FBXL7: variants seen among roughly 807,000 people sequenced by gnomAD.
FBXL7 encodes the protein F-box and leucine rich repeat protein 7.
Under a neutral mutation model 38.3 loss-of-function variants are expected in FBXL7, and 12 were observed. The observed-to-expected ratio is 0.31, with a 90% CI of 0.20 to 0.51. The LOEUF (loss-of-function observed/expected upper bound fraction) is 0.51. FBXL7 is among the 20% of genes least tolerant of loss of function. FBXL7 has a pLI of 0.98. For synonymous variants in FBXL7, 297 were observed against 300.9 expected, an observed-to-expected ratio of 0.99 and a Z score of 0.13; for missense variants, 567 against 676.4, an observed-to-expected ratio of 0.84 and a Z score of 1.79.
Position 15,515,844 on chromosome 5 carries a change from GTCATTTTATTACACTCA to G in FBXL7, c.37+15132_37+15148del, listed in dbSNP as rs761719359. ...TACTCATGATTATACTAGTTTATTA[GTCATTTTATTACACTCA>G]AATAACATTCCACTGAGATTATCAA... On this transcript the variant is annotated intron_variant, in intron 1 of 3. Transcript: ENST00000504595. Among the ~76,000 whole-genome samples the G allele has an allele frequency of 1.8e-4, 28 of 152,056 alleles. 1 individual carries two copies. The highest frequency in any genetic ancestry group is 3.4e-4 in the Non-Finnish European group (23 of 68,024).
At chr5:15,671,009 T>C (rs572233442) in intron 2 of FBXL7, among the ~76,000 whole-genome samples, 3 of 152,210 alleles carry the variant, frequency 2.0e-5, no homozygotes, top group African/African-American at 7.2e-5. Flanking sequence ...AATTATTCTC[T>C]GACTTCATTT....
At chr5:15,633,679 C>G (rs2126544416) in intron 2 of FBXL7, among the ~76,000 whole-genome samples, 1 of 151,422 alleles carries the variant, frequency 6.6e-6, no homozygotes, top group Non-Finnish European at 1.5e-5. Flanking sequence ...TAGGGATTCA[C>G]TGATCAGGCA....
chr5:15,892,622 A>G (rs573532468), intron 2 of FBXL7, among the ~76,000 whole-genome samples: 65 of 152,306 alleles, frequency 4.3e-4, no homozygotes, highest in African/African-American at 1.3e-3. Flanking sequence ...TCATATCCTC[A>G]TTCATTTTAA....
chr5:15,560,926 A>G (rs1405491842), intron 1 of FBXL7, among the ~76,000 whole-genome samples: 3 of 152,166 alleles, frequency 2.0e-5, no homozygotes, highest in African/African-American at 7.2e-5. Flanking sequence ...TTTCATATAT[A>G]TTTAAGGTGT....
At chr5:15,818,755 A>C (rs1738091155) in intron 2 of FBXL7, among the ~76,000 whole-genome samples, 1 of 149,024 alleles carries the variant, frequency 6.7e-6, no homozygotes, top group African/African-American at 2.5e-5. Flanking sequence ...AGAGAGAGAG[A>C]GATTTAAAAT....
At chr5:15,520,356 G>A (rs563751099) in intron 1 of FBXL7, among the ~76,000 whole-genome samples, 6 of 152,272 alleles carry the variant, frequency 3.9e-5, no homozygotes, top group Middle Eastern at 3.4e-3. Flanking sequence ...TGGTTCACAC[G>A]CCTCTAACAG....
intron 2 of FBXL7, among the ~76,000 whole-genome samples, chr5:15,924,632 C>CTTTTTT (rs34865383): frequency 2.5e-5 from 3 of 120,042 alleles, no homozygotes; most frequent in Non-Finnish European, 3.4e-5. Context: ...TCTCATTATT[C>CTTTTTT]TTTTTTTTTT....
chr5:15,671,546 T>G (rs1579364851), intron 2 of FBXL7, among the ~76,000 whole-genome samples: 1 of 152,236 alleles, frequency 6.6e-6, no homozygotes, highest in Non-Finnish European at 1.5e-5. Context: ...AACTCTGATA[T>G]TGGTTTTACA....
chr5:15,674,592 G>A (rs1184427745), intron 2 of FBXL7, among the ~76,000 whole-genome samples: 1 of 152,096 alleles, frequency 6.6e-6, no homozygotes, highest in African/African-American at 2.4e-5. Flanking sequence ...ATAACTCATA[G>A]GGTTTGTAAT....
chr5:15,768,887 T>C (rs1432123718), intron 2 of FBXL7, among the ~76,000 whole-genome samples: 1 of 152,232 alleles, frequency 6.6e-6, no homozygotes, highest in African/African-American at 2.4e-5. Context: ...TTTGATTCAT[T>C]TGACTTCCCT....
chr5:15,891,835 C>G (rs997345890), intron 2 of FBXL7, among the ~76,000 whole-genome samples: 2 of 152,224 alleles, frequency 1.3e-5, no homozygotes, highest in Non-Finnish European at 2.9e-5. Context: ...AAGCTGTTAC[C>G]ACACACAGTC....
chr5:15,583,560 C>T (rs1164364892), intron 1 of FBXL7, among the ~76,000 whole-genome samples: 2 of 152,170 alleles, frequency 1.3e-5, no homozygotes, highest in Non-Finnish European at 2.9e-5. Context: ...GCTGTGGTCC[C>T]CATGCAAGTC....
intron 2 of FBXL7, among the ~76,000 whole-genome samples, chr5:15,745,207 T>A (rs1735983075): frequency 7.0e-6 from 1 of 142,418 alleles, no homozygotes; most frequent in Non-Finnish European, 1.5e-5. Context: ...AAACTGTGAC[T>A]ATGAAAGTGT....
chr5:15,586,732 A>G (rs1739319301), intron 1 of FBXL7, among the ~76,000 whole-genome samples: 1 of 152,200 alleles, frequency 6.6e-6, no homozygotes, highest in South Asian at 2.1e-4. Flanking sequence ...TAAACTACAC[A>G]TAGAAGTCAG....
At chr5:15,869,648 T>C (rs1433601768) in intron 2 of FBXL7, among the ~76,000 whole-genome samples, 1 of 152,210 alleles carries the variant, frequency 6.6e-6, no homozygotes, top group Non-Finnish European at 1.5e-5. Context: ...TTCGCCGCTG[T>C]ATCCCCAGTG....
At chr5:15,659,191 G>T (rs896008408) in intron 2 of FBXL7, among the ~76,000 whole-genome samples, 1 of 151,968 alleles carries the variant, frequency 6.6e-6, no homozygotes, top group Non-Finnish European at 1.5e-5. Context: ...TTATTAACTG[G>T]GAGAAGATAA....
At chr5:15,693,861 C>T (rs1743254434) in intron 2 of FBXL7, among the ~76,000 whole-genome samples, 1 of 152,190 alleles carries the variant, frequency 6.6e-6, no homozygotes, top group African/African-American at 2.4e-5. Flanking sequence ...GGCTCCCCAT[C>T]CATCTGCTGA....
intron 1 of FBXL7, among the ~76,000 whole-genome samples, chr5:15,569,939 C>A (rs936666862): frequency 6.6e-6 from 1 of 152,072 alleles, no homozygotes; most frequent in Non-Finnish European, 1.5e-5. Flanking sequence ...AGGGATGAAG[C>A]CCACTTGATC....
In FBXL7 at chr5:15,938,676, C is replaced by T. The variant is rs1290841656; in HGVS notation, c.*1490C>T. 2 of 227,802 alleles carry T rather than the reference C, an allele frequency of 8.8e-6. No homozygotes were observed. Among genetic ancestry groups the T allele is most frequent in the East Asian group, 8.5e-5 (1 of 11,816 alleles). 14.1% of individuals were successfully genotyped at this position (227,802 alleles called of 1,614,324 possible). A position where few individuals can be genotyped will look rare whatever the true frequency, so the allele number is the denominator to read the frequency against. ...GGAACACACTGAGATGACTTAGACT[C>T]TGGTCCACCAACCAGACCCTTGGAA... On this transcript the variant is annotated 3_prime_UTR_variant, in exon 4 of 4. Coordinates refer to ENST00000504595, the MANE Select transcript of FBXL7 (RefSeq NM_012304.5).
Sources: allele counts gnomAD v4.1 joint callset (sites outside exome capture counted in the v4.1 genomes callset), GRCh38; gene constraint gnomAD v4.1.1; transcripts MANE v1.5; gene names NCBI Gene and HGNC (gene_info 2026-07-23, HGNC 2026-07-21).